EFR3A: variants seen among roughly 807,000 people sequenced by gnomAD.
EFR3A encodes protein EFR3 homolog A.
A neutral mutation model predicts 104.4 loss-of-function variants in EFR3A; 76 were observed. The observed-to-expected ratio is 0.73, with a 90% CI of 0.60 to 0.88. The LOEUF is 0.88. Among genes scored for constraint, EFR3A ranks in the 40% least tolerant of loss-of-function variants. The pLI is 0.00. For missense variants in EFR3A, 985 were observed against 1,012.5 expected (o/e 0.97, Z 0.37); for synonymous variants, 330 against 330.0 (o/e 1.00, Z 0.00).
chr8:131,919,884 A>G (rs918548725), intron 1 of EFR3A, among the ~76,000 whole-genome samples: 4 of 150,724 alleles, frequency 2.7e-5, no homozygotes, highest in Admixed American at 1.3e-4. Flanking sequence ...ATGTATATAT[A>G]TATTATATTT....
At chr8:131,967,670 T>C (rs1169605008) in intron 8 of EFR3A, among the ~76,000 whole-genome samples, 2 of 152,148 alleles carry the variant, frequency 1.3e-5, no homozygotes, top group Non-Finnish European at 2.9e-5. Flanking sequence ...CTATGGTTGA[T>C]CAATTTTATT....
At chr8:131,918,936 C>G (rs1816867353) in intron 1 of EFR3A, among the ~76,000 whole-genome samples, 1 of 152,108 alleles carries the variant, frequency 6.6e-6, no homozygotes, top group Non-Finnish European at 1.5e-5. Flanking sequence ...TAACTCAAAC[C>G]AACTTGGTTA....
At chr8:131,981,314 A>G (rs1820601107) in intron 14 of EFR3A, among the ~76,000 whole-genome samples, 4 of 152,096 alleles carry the variant, frequency 2.6e-5, no homozygotes, top group Admixed American at 2.6e-4. Context: ...CGGCAAGATT[A>G]GACTATTATT....
Position 131,983,756 on chromosome 8 carries a change from A to T in EFR3A, c.1576-383A>T, listed in dbSNP as rs545883803. ...CAGTACATTTCCTCTCAGTACAATA[A>T]TCTTTATCATTGCTGAGGCTGTATT... On this transcript the variant is annotated intron_variant, in intron 14 of 22. Transcript: ENST00000254624. 1.8e-3 allele frequency among the ~76,000 whole-genome samples: 278 copies of T among 152,216 alleles called. 2 individuals are homozygous for T. The highest frequency in any genetic ancestry group is 6.5e-3 in the African/African-American group (270 of 41,556).
chr8:131,912,788 G>C (rs1304940545), intron 1 of EFR3A, among the ~76,000 whole-genome samples: 1 of 151,770 alleles, frequency 6.6e-6, no homozygotes, highest in African/African-American at 2.4e-5. Flanking sequence ...ATGCTGCTTT[G>C]AACTGGTTTT....
chr8:131,974,976 C>T (rs1421424158), intron 10 of EFR3A, among the ~76,000 whole-genome samples: 1 of 152,112 alleles, frequency 6.6e-6, no homozygotes, highest in Non-Finnish European at 1.5e-5. Flanking sequence ...AGGAACATAA[C>T]AGCCATGATT....
chr8:131,927,208 G>A (rs1297129249), intron 1 of EFR3A, among the ~76,000 whole-genome samples: 1 of 152,196 alleles, frequency 6.6e-6, no homozygotes, highest in Admixed American at 6.5e-5. Context: ...AGGACAACTT[G>A]AAGAATAATG....
intron 18 of EFR3A, 134 bp downstream of exon 18, chr8:131,987,836 AG>A: frequency 1.1e-6 from 1 of 925,332 alleles, no homozygotes. Context: ...CAAATGCTTA[AG>A]AGTATTTACT....
intron 7 of EFR3A, among the ~76,000 whole-genome samples, chr8:131,958,490 C>A (rs925392546): frequency 2.6e-5 from 4 of 152,052 alleles, no homozygotes; most frequent in African/African-American, 9.7e-5. Flanking sequence ...AACAGGTAGC[C>A]ATGTTCAAAT....
chr8:131,962,982 C>T lies in EFR3A; in HGVS notation c.855+3319C>T, dbSNP rs545993590. 8.3e-4 allele frequency among the ~76,000 whole-genome samples: 125 copies of T among 150,296 alleles called. 1 individual carries two copies. The highest frequency in any genetic ancestry group is 1.3e-3 in the Non-Finnish European group (90 of 67,474). On this transcript the variant is annotated intron_variant, in intron 8 of 22. Transcript: ENST00000254624. ...TCCTGAATGACTACTGGGTATATAA[C>T]GAAATGAAGGCAGAAATGAAGATGT... is the stretch of plus-strand genomic sequence containing the variant.
At chr8:131,978,642 A>G (rs1233796360) in intron 12 of EFR3A, among the ~76,000 whole-genome samples, 2 of 152,120 alleles carry the variant, frequency 1.3e-5, no homozygotes, top group East Asian at 1.9e-4. Flanking sequence ...AATGTGTGCT[A>G]TTATTAACTT....
intron 1 of EFR3A, among the ~76,000 whole-genome samples, chr8:131,936,088 C>A (rs1337647244): frequency 6.6e-6 from 1 of 152,006 alleles, no homozygotes; most frequent in East Asian, 1.9e-4. Flanking sequence ...CTATGAATGC[C>A]TCTTTGAGAC....
chr8:131,970,684 T>G (rs1820003865), intron 10 of EFR3A, 41 bp downstream of exon 10: 1 of 1,569,554 alleles, frequency 6.4e-7, no homozygotes. Flanking sequence ...TGTAAAACAG[T>G]GATTTACAAA....
At chr8:131,910,689 CT>C (rs1382955725) in intron 1 of EFR3A, among the ~76,000 whole-genome samples, 1 of 152,134 alleles carries the variant, frequency 6.6e-6, no homozygotes, top group Non-Finnish European at 1.5e-5. Flanking sequence ...GGCAGAGGCC[CT>C]TTTTTTCATG....
chr8:132,009,223 T>C (rs1174404513), intron 22 of EFR3A, among the ~76,000 whole-genome samples: 1 of 152,066 alleles, frequency 6.6e-6, no homozygotes, highest in Non-Finnish European at 1.5e-5. Flanking sequence ...AAGAAGTATA[T>C]AAGACTTACA....
Position 132,006,383 on chromosome 8 carries a change from T to G in EFR3A, c.2360+3098T>G, listed in dbSNP as rs116252266. Reference sequence around the variant, plus strand: ...CAATATTACAAATAAAAAAGAATTATAGATAATAAAGGAATGTTATACACA... The same window carrying G: ...CAATATTACAAATAAAAAAGAATTAGAGATAATAAAGGAATGTTATACACA... On this transcript the variant is annotated intron_variant, in intron 22 of 22. Transcript: ENST00000254624. Among the ~76,000 whole-genome samples the G allele has an allele frequency of 6.3e-3, 961 of 152,174 alleles. 9 individuals carry two copies. The highest frequency in any genetic ancestry group is 0.022 in the African/African-American group (917 of 41,554).
At chr8:132,010,674 T>C in intron 22 of EFR3A, 116 bp from the exon 23 acceptor site, 1 of 1,257,396 alleles carries the variant, frequency 8.0e-7, no homozygotes, top group Non-Finnish European at 1.1e-6. Context: ...ACAATGGCAT[T>C]GATCACTGCA....
chr8:131,935,467 G>A, intron 1 of EFR3A: 1 of 442,938 alleles, frequency 2.3e-6, no homozygotes, highest in Non-Finnish European at 4.5e-6. Context: ...AGGGCATGAA[G>A]GACCAAAATC....
intron 22 of EFR3A, among the ~76,000 whole-genome samples, chr8:132,005,923 T>G (rs1280227562): frequency 1.3e-5 from 2 of 152,152 alleles, no homozygotes; most frequent in African/African-American, 4.8e-5. Flanking sequence ...ATTGAGTATG[T>G]TCTCTTGCCA....
Sources: gnomAD v4.1 joint callset for allele counts (sites outside exome capture counted in the v4.1 genomes callset) on GRCh38, gnomAD v4.1.1 for gene constraint, MANE v1.5 for transcripts, NCBI Gene and HGNC (gene_info 2026-07-23, HGNC 2026-07-21) for gene names.